Variants in POFUT3 observed in about 807,000 individuals in gnomAD.
POFUT3 encodes protein O-fucosyltransferase 3.
At chr8:33,451,241 G>A in the POFUT3 span, among the ~76,000 whole-genome samples, 1 of 152,032 alleles carries the variant, frequency 6.6e-6, no homozygotes, top group African/African-American at 2.4e-5. Context: ...AATCCAAAAT[G>A]TTCCAATAAG....
the POFUT3 span, among the ~76,000 whole-genome samples, chr8:33,370,169 T>TTA: frequency 2.5e-5 from 1 of 39,864 alleles, no homozygotes. Flanking sequence ...CCATCTTTAC[T>TTA]AAAAAAAAAA....
chr8:33,310,770 T>C, the POFUT3 span, among the ~76,000 whole-genome samples: 2 of 152,052 alleles, frequency 1.3e-5, no homozygotes, highest in Admixed American at 6.6e-5. Flanking sequence ...TCTATTCTCC[T>C]GTGGCTTTCA....
the POFUT3 span, among the ~76,000 whole-genome samples, chr8:33,382,168 T>C: frequency 7.9e-5 from 12 of 152,074 alleles, no homozygotes; most frequent in African/African-American, 2.7e-4. Flanking sequence ...TGGCTGCGCC[T>C]ACAGTCCCAG....
the POFUT3 span, among the ~76,000 whole-genome samples, chr8:33,400,383 G>A: frequency 7.2e-5 from 11 of 152,072 alleles, no homozygotes; most frequent in Non-Finnish European, 1.2e-4. Context: ...AACCCGGAAG[G>A]CAGAGGTTGC....
the POFUT3 span, among the ~76,000 whole-genome samples, chr8:33,421,206 T>A: frequency 1.3e-5 from 2 of 152,150 alleles, no homozygotes; most frequent in African/African-American, 4.8e-5. Context: ...TGGAATGAAA[T>A]GAAAAGACTT....
chr8:33,339,328 G>A, the POFUT3 span, among the ~76,000 whole-genome samples: 9 of 152,084 alleles, frequency 5.9e-5, no homozygotes, highest in East Asian at 7.7e-4. Context: ...AAGAATGGAC[G>A]GGAAAGAGGA....
the POFUT3 span, chr8:33,338,881 C>T: frequency 6.6e-6 from 1 of 152,010 alleles, no homozygotes; most frequent in South Asian, 2.1e-4. Context: ...TTCAACAACA[C>T]AAATAATAAA....
chr8:33,369,626 ACATTTTACTGGG>A, the POFUT3 span, among the ~76,000 whole-genome samples: 3 of 152,132 alleles, frequency 2.0e-5, no homozygotes, highest in African/African-American at 2.4e-5. Flanking sequence ...TTTTTAATGC[ACATTTTACTGGG>A]CATTTTACTG....
the POFUT3 span, among the ~76,000 whole-genome samples, chr8:33,335,151 ATGTGTGTGTGTG>A: frequency 1.4e-4 from 21 of 145,774 alleles, no homozygotes; most frequent in Non-Finnish European, 1.7e-4. Flanking sequence ...AAAGAAATAT[ATGTGTGTGTGTG>A]TGTGTGTGTG....
the POFUT3 span, among the ~76,000 whole-genome samples, chr8:33,463,041 G>A: frequency 6.6e-6 from 1 of 152,108 alleles, no homozygotes; most frequent in South Asian, 2.1e-4. Flanking sequence ...TCAGAGTGGA[G>A]GAAGGGTCAA....
chr8:33,431,929 C>A, the POFUT3 span, among the ~76,000 whole-genome samples: 2 of 152,162 alleles, frequency 1.3e-5, no homozygotes, highest in Non-Finnish European at 2.9e-5. Context: ...CTGTCCCCAA[C>A]ACATTCCCTC....
At chr8:33,389,411 T>A in the POFUT3 span, 5 of 1,614,114 alleles carry the variant, frequency 3.1e-6, no homozygotes, top group Admixed American at 5.0e-5. Flanking sequence ...ATTTTTCAGC[T>A]GCTGAGGGAG....
At chr8:33,352,445 C>A in the POFUT3 span, among the ~76,000 whole-genome samples, 1 of 152,156 alleles carries the variant, frequency 6.6e-6, no homozygotes, top group Non-Finnish European at 1.5e-5. Context: ...TGTCCACAGG[C>A]TAGTGAAAAT....
At chr8:33,436,372 T>C in the POFUT3 span, 8 of 1,376,712 alleles carry the variant, frequency 5.8e-6, no homozygotes, top group African/African-American at 1.4e-5. Flanking sequence ...TCTTTCATGA[T>C]GTCACATTCA....
chr8:33,396,579 T>C, the POFUT3 span, among the ~76,000 whole-genome samples: 1 of 152,144 alleles, frequency 6.6e-6, no homozygotes, highest in African/African-American at 2.4e-5. Context: ...CATCTGGTGA[T>C]AATGTAAAAG....
chr8:33,454,857 G>A, the POFUT3 span, among the ~76,000 whole-genome samples: 1 of 151,848 alleles, frequency 6.6e-6, no homozygotes, highest in Non-Finnish European at 1.5e-5. Flanking sequence ...TAGTAGAGAC[G>A]GGGTTTCACT....
chr8:33,308,809 GAGCTA>G, the POFUT3 span, among the ~76,000 whole-genome samples: 2 of 151,964 alleles, frequency 1.3e-5, no homozygotes, highest in African/African-American at 2.4e-5. Context: ...GTTACAAAAA[GAGCTA>G]GGGTCCCAGA....
At chr8:33,347,412 C>T in the POFUT3 span, among the ~76,000 whole-genome samples, 1 of 152,182 alleles carries the variant, frequency 6.6e-6, no homozygotes, top group East Asian at 1.9e-4. Context: ...CCAGACTTGG[C>T]TTTGGTTACT....
chr8:33,462,452 C>T, the POFUT3 span, among the ~76,000 whole-genome samples: 2 of 152,048 alleles, frequency 1.3e-5, no homozygotes, highest in Non-Finnish European at 2.9e-5. Flanking sequence ...TCATGTGGCC[C>T]CCAATGCCCA....
Sources: gnomAD v4.1 joint callset for allele counts (sites outside exome capture counted in the v4.1 genomes callset) on GRCh38, gnomAD v4.1.1 for gene constraint, MANE v1.5 for transcripts, NCBI Gene and HGNC (gene_info 2026-07-23, HGNC 2026-07-21) for gene names.